THOP1: variants seen among roughly 807,000 people sequenced by gnomAD.
THOP1 encodes the protein thimet oligopeptidase.
In THOP1, 49 loss-of-function variants were observed where a neutral mutation model predicts 71.8. That is an observed-to-expected ratio of 0.68 (90% CI 0.54 to 0.87). THOP1 has a LOEUF of 0.87. Ranked by LOEUF, THOP1 falls within the 40% of genes least tolerant of loss-of-function variation. The pLI is 0.00. For missense variants in THOP1, 843 were observed against 975.6 expected, an observed-to-expected ratio of 0.86 and a Z score of 1.81; for synonymous variants, 426 against 421.5, an observed-to-expected ratio of 1.01 and a Z score of -0.13.
chr19:2,803,975 G>A (rs938079832), intron 5 of THOP1, among the ~76,000 whole-genome samples: 9 of 151,034 alleles, frequency 6.0e-5, no homozygotes, highest in African/African-American at 1.7e-4. Flanking sequence ...CACCCTGACC[G>A]CCCTGGGGTC....
At chr19:2,786,765 A>AATTTTTTTTTTTTT (rs1915751851) in intron 1 of THOP1, among the ~76,000 whole-genome samples, 1 of 101,206 alleles carries the variant, frequency 9.9e-6, no homozygotes, top group African/African-American at 5.2e-5. Flanking sequence ...CACCTGGCTA[A>AATTTTTTTTTTTTT]TTTTTTTTTT....
chr19:2,812,408 C>T, intron 12 of THOP1: 2 of 1,478,626 alleles, frequency 1.4e-6, no homozygotes, highest in South Asian at 1.3e-5. Flanking sequence ...CTCAGCTGCT[C>T]CCTTTATAGA....
At chr19:2,785,762 G>A in intron 1 of THOP1, 84 bp downstream of exon 1, 1 of 1,253,772 alleles carries the variant, frequency 8.0e-7, no homozygotes, top group Non-Finnish European at 1.0e-6. Context: ...TAAGGCTGGA[G>A]CGAAGCGACC....
Position 2,801,788 on chromosome 19 carries a change from C to A in THOP1, c.589+1997C>A, listed in dbSNP as rs995597694. ...CACATGGCAAGGGGAGGGGGCTAAG[C>A]GAGCCGGTTCCACCCAGGTCTCTCC... On this transcript the variant is annotated intron_variant, in intron 5 of 12. Coordinates refer to ENST00000307741, the MANE Select transcript of THOP1 (RefSeq NM_003249.5). The surrounding 1 kb of genome is among the most constrained non-coding windows in gnomAD (Gnocchi z 5.1). 6.6e-6 allele frequency among the ~76,000 whole-genome samples: 1 copy of A among 152,006 alleles called. No individual in the cohort carries two copies. The highest frequency in any genetic ancestry group is 1.5e-5 in the Non-Finnish European group (1 of 67,966).
At chr19:2,802,467 C>T (rs1480307512) in intron 5 of THOP1, among the ~76,000 whole-genome samples, 17 of 147,360 alleles carry the variant, frequency 1.2e-4, no homozygotes, top group African/African-American at 1.8e-4. Context: ...CCCCACCTCC[C>T]GACACCAACA....
intron 4 of THOP1, among the ~76,000 whole-genome samples, chr19:2,796,664 G>A (rs1160845214): frequency 6.6e-6 from 1 of 151,860 alleles, no homozygotes; most frequent in African/African-American, 2.4e-5. Flanking sequence ...GCTGGGCTCA[G>A]GGAGTACTGG....
chr19:2,791,583 C>T (rs1181142591), intron 2 of THOP1, among the ~76,000 whole-genome samples: 1 of 152,182 alleles, frequency 6.6e-6, no homozygotes, highest in South Asian at 2.1e-4. Flanking sequence ...CTCTGGCTTC[C>T]GACAAGTGGC....
intron 5 of THOP1, among the ~76,000 whole-genome samples, chr19:2,802,457 C>T (rs1206466946): frequency 6.8e-6 from 1 of 147,222 alleles, no homozygotes; most frequent in African/African-American, 2.5e-5. Flanking sequence ...CTCCCGACAC[C>T]CCCACCTCCC....
At chr19:2,788,725 C>T (rs1486692512) in intron 1 of THOP1, among the ~76,000 whole-genome samples, 4 of 151,720 alleles carry the variant, frequency 2.6e-5, no homozygotes, top group African/African-American at 7.3e-5. Context: ...GTGATCCACC[C>T]GCCTTGGCCT....
chr19:2,796,777 A>G (rs1260158082), intron 4 of THOP1, among the ~76,000 whole-genome samples: 1 of 152,000 alleles, frequency 6.6e-6, no homozygotes, highest in Non-Finnish European at 1.5e-5. Flanking sequence ...CCTGATGTCC[A>G]TCTTTCTTCT....
At position 2,811,607 on chromosome 19, in the gene THOP1, T is replaced by C; in HGVS notation, c.1781T>C (p.Met594Thr). The C allele has an allele frequency of 1.2e-6, 2 of 1,612,972 alleles. No homozygotes were observed. Among genetic ancestry groups the C allele is most frequent in the South Asian group, 2.2e-5 (2 of 91,068 alleles). ...LGVPATPGTNMPATFGHLAGG... is the reference protein window; with the variant it reads ...LGVPATPGTNTPATFGHLAGG... ...CATGTGTCCGCCCCAGGAACCAACA[T>C]GCCTGCAACCTTCGGCCATCTGGCA... is the stretch of plus-strand genomic sequence containing the variant. Residue 594 changes from methionine to threonine, a missense_variant, in exon 12 of 13, where the codon ATG becomes ACG. Transcript: ENST00000307741.
rs1599535722 is a variant in THOP1 at position 2,813,368 on chromosome 19, T to C, written c.*92T>C. ...CAGGATGGGGCAGGCTCTGGCACAG[T>C]GCCTGGGACTGGCAGGGTGGCTGAG... is the stretch of plus-strand genomic sequence containing the variant. On this transcript the variant is annotated 3_prime_UTR_variant, in exon 13 of 13. Transcript: ENST00000307741. The C allele has an allele frequency of 1.7e-5, 23 of 1,384,466 alleles. No homozygotes were observed. The highest frequency in any genetic ancestry group is 2.6e-4 in the Middle Eastern group (1 of 3,840). 85.8% of individuals were successfully genotyped at this position (1,384,466 alleles called of 1,614,324 possible).
chr19:2,788,541 C>T (rs1236422428), intron 1 of THOP1, among the ~76,000 whole-genome samples: 5 of 152,118 alleles, frequency 3.3e-5, no homozygotes, highest in Admixed American at 6.6e-5. Flanking sequence ...TGCAGTGCTA[C>T]GATCTCAGCT....
chr19:2,803,117 GCC>G, intron 5 of THOP1, among the ~76,000 whole-genome samples: 1 of 152,280 alleles, frequency 6.6e-6, no homozygotes, highest in East Asian at 1.9e-4. Flanking sequence ...TGCTCTCCCT[GCC>G]CCAGCCCTCA....
intron 2 of THOP1, among the ~76,000 whole-genome samples, chr19:2,793,941 T>A (rs1401508931): frequency 2.0e-5 from 3 of 152,038 alleles, no homozygotes; most frequent in South Asian, 4.2e-4. Context: ...TGTGTGTTCA[T>A]GTCTCCTGGC....
At position 2,790,533 on chromosome 19, in the gene THOP1, G is replaced by C. The variant is rs777918961; in HGVS notation, c.129G>C (p.Gln43His). The C allele has an allele frequency of 2.5e-5, 41 of 1,608,340 alleles. No individual in the cohort carries two copies. The highest frequency in any genetic ancestry group is 2.1e-4 in the South Asian group (19 of 90,376). Reference protein sequence around the residue: ...IEERTRELIEQTKRVYDQVGT... With the variant: ...IEERTRELIEHTKRVYDQVGT... The stretch of plus-strand genomic sequence containing the variant: ...AGCGCACCAGGGAGCTCATCGAGCA[G>C]ACCAAGCGCGTGTATGACCAGGTTG... Residue 43 changes from glutamine (Q) to histidine (H), a missense_variant, in exon 2 of 13, where the codon CAG becomes CAC. Gln to His is a conservative substitution (Grantham distance 24). Transcript: ENST00000307741.
Position 2,811,659 on chromosome 19 carries a change from G to T in THOP1, c.1833G>T (p.Gly611=). 6.2e-7 allele frequency: 1 copy of T among 1,613,492 alleles called. No homozygotes were observed. The highest frequency in any genetic ancestry group is 8.5e-7 in the Non-Finnish European group (1 of 1,179,980). ...LAGGYDAQYY[G]YLWSEVYSMD... ...GTGGCTACGACGCCCAGTACTACGG[G>T]TACCTGTGGAGCGAGGTGTATTCCA... is the stretch of plus-strand genomic sequence containing the variant. The change falls in exon 12 of 13, where the codon GGG becomes GGT. Residue 611 remains glycine, a synonymous_variant. Coordinates refer to ENST00000307741, the MANE Select transcript of THOP1 (RefSeq NM_003249.5).
chr19:2,810,744 A>T lies in THOP1; in HGVS notation c.1747A>T (p.Ile583Phe). ...AEEYARLCQE[I>F]LGVPATPGTN... ...GGAGTATGCGCGGCTCTGCCAGGAG[A>T]TCCTCGGGGTCCCGGCCACGCCAGG... is the stretch of plus-strand genomic sequence containing the variant. Residue 583 changes from isoleucine to phenylalanine, a missense_variant, in exon 11 of 13, where the codon ATC becomes TTC. By Grantham distance (21) the Ile-to-Phe change is conservative. Transcript: ENST00000307741. 1 of 1,601,480 alleles carries T rather than the reference A, an allele frequency of 6.2e-7. No individual in the cohort carries two copies. The highest frequency in any genetic ancestry group is 8.5e-7 in the Non-Finnish European group (1 of 1,175,494).
Position 2,803,432 on chromosome 19 carries a change from G to A in THOP1, c.590-1584G>A, listed in dbSNP as rs1916206348. Among the ~76,000 whole-genome samples the A allele has an allele frequency of 2.6e-5, 4 of 152,178 alleles. No homozygotes were observed. The South Asian group carries it at 8.3e-4, about 31-fold the overall frequency. On this transcript the variant is annotated intron_variant, in intron 5 of 12. Transcript: ENST00000307741. ...CACAGTGAACGTGAACTATGCATTC[G>A]TGAACTATCCATTGCAGCCTGGGCA... is the stretch of plus-strand genomic sequence containing the variant.
Sources: allele counts gnomAD v4.1 joint callset (sites outside exome capture counted in the v4.1 genomes callset), GRCh38; gene constraint gnomAD v4.1.1; non-coding constraint Gnocchi (gnomAD v3.1); transcripts MANE v1.5; gene names NCBI Gene and HGNC (gene_info 2026-07-23, HGNC 2026-07-21).